Variants in HEATR5A observed in about 807,000 individuals in gnomAD.
The protein encoded by HEATR5A is HEAT repeat-containing protein 5A.
Under a neutral mutation model 218.8 loss-of-function variants are expected in HEATR5A, and 178 were observed. That is an observed-to-expected ratio of 0.81 (90% CI 0.72 to 0.92). The LOEUF (loss-of-function observed/expected upper bound fraction) is 0.92, where lower values mean the gene tolerates loss of function less well. Among genes scored for constraint, HEATR5A ranks in the 40% least tolerant of loss-of-function variants. The pLI is 0.00. For synonymous variants in HEATR5A, 864 were observed against 871.6 expected (o/e 0.99, Z 0.15); for missense variants, 2,420 against 2,418.9 (o/e 1.00, Z -0.01).
intron 1 of HEATR5A, among the ~76,000 whole-genome samples, chr14:31,409,685 C>A (rs1162631724): frequency 2.6e-5 from 4 of 152,114 alleles, no homozygotes; most frequent in Non-Finnish European, 5.9e-5. Context: ...CAGCAAGACC[C>A]TGTCTCAAAA....
intron 21 of HEATR5A, chr14:31,340,428 G>A (rs1900803442): frequency 7.8e-7 from 1 of 1,284,116 alleles, no homozygotes; most frequent in Non-Finnish European, 1.0e-6. Flanking sequence ...AAAAAGTTAG[G>A]AATCAAGGGT....
rs185340547 is a variant in HEATR5A, at chr14:31,327,125, C to A, written c.3368-783G>T. The stretch of plus-strand genomic sequence containing the variant: ...AAGTAGCTGGGACTACAGGTGCCTG[C>A]CACCATGTCTGGCTAATTTTTGTAT... On this transcript the variant is annotated intron_variant, in intron 22 of 35. Transcript: ENST00000543095. Among the ~76,000 whole-genome samples, 433 of 151,842 alleles carry A rather than the reference C, an allele frequency of 2.9e-3. 1 individual carries two copies. Among genetic ancestry groups the A allele is most frequent in the Non-Finnish European group, 4.3e-3 (290 of 67,972 alleles).
chr14:31,363,261 T>C (rs1406990722), intron 14 of HEATR5A, among the ~76,000 whole-genome samples: 1 of 151,924 alleles, frequency 6.6e-6, no homozygotes, highest in Non-Finnish European at 1.5e-5. Flanking sequence ...AAAAGTTTAT[T>C]TTAGTCTGAA....
chr14:31,386,025 C>T (rs982290397), intron 9 of HEATR5A, among the ~76,000 whole-genome samples: 2 of 152,138 alleles, frequency 1.3e-5, no homozygotes, highest in Non-Finnish European at 2.9e-5. Flanking sequence ...CTGTGCCTAG[C>T]CATGAATTAT....
chr14:31,304,509 C>T (rs1396565323), intron 32 of HEATR5A, among the ~76,000 whole-genome samples: 1 of 152,134 alleles, frequency 6.6e-6, no homozygotes, highest in African/African-American at 2.4e-5. Flanking sequence ...CCTCCGCCTC[C>T]CGGGTTCAAG....
intron 30 of HEATR5A, among the ~76,000 whole-genome samples, 178 bp downstream of exon 30, chr14:31,307,715 T>G (rs1312865513): frequency 6.6e-6 from 1 of 152,202 alleles, no homozygotes; most frequent in Admixed American, 6.5e-5. Flanking sequence ...GAGGCATGAT[T>G]GTTTTTGGGT....
intron 16 of HEATR5A, among the ~76,000 whole-genome samples, chr14:31,358,114 C>G (rs1200031602): frequency 1.3e-5 from 2 of 152,136 alleles, no homozygotes; most frequent in African/African-American, 4.8e-5. Context: ...ATAGTTTTAT[C>G]CCAAAACCTC....
intron 11 of HEATR5A, among the ~76,000 whole-genome samples, chr14:31,375,250 A>G (rs1456354122): frequency 2.0e-5 from 3 of 152,184 alleles, no homozygotes; most frequent in African/African-American, 4.8e-5. Flanking sequence ...TCGTCTACAT[A>G]TTAAATGAAG....
intron 13 of HEATR5A, among the ~76,000 whole-genome samples, chr14:31,369,919 G>C (rs1901968107): frequency 8.2e-6 from 1 of 122,210 alleles, no homozygotes; most frequent in Non-Finnish European, 1.7e-5. Context: ...GGGTGACAGT[G>C]TAAGACTCTA....
chr14:31,326,339 G>C lies in HEATR5A; in HGVS notation c.3371C>G (p.Ala1124Gly), dbSNP rs778914620. 3.1e-6 allele frequency: 5 copies of C among 1,605,400 alleles called. No homozygotes were observed. The highest frequency in any genetic ancestry group is 4.2e-6 in the Non-Finnish European group (5 of 1,176,604). ...CTCAAGGCCAACTTCTCTGATGTTA[G>C]CATCTGACAAGAAGAAAATCAATTA... The part of the protein sequence containing the change: ...KDSREELTPD[A>G]NIREVGLEGA... The change falls in exon 23 of 36, where the codon GCT becomes GGT. Residue 1124 changes from alanine to glycine, a missense_variant. By Grantham distance (60) the Ala-to-Gly change is moderately conservative (BLOSUM62 0). Transcript: ENST00000543095.
chr14:31,357,494 A>T (rs940374189), intron 16 of HEATR5A, among the ~76,000 whole-genome samples: 2 of 151,880 alleles, frequency 1.3e-5, no homozygotes, highest in Admixed American at 6.5e-5. Flanking sequence ...AACTATTATT[A>T]GCCACAATAG....
intron 23 of HEATR5A, 100 bp downstream of exon 23, chr14:31,326,063 G>T: frequency 1.2e-6 from 1 of 822,090 alleles, no homozygotes. Flanking sequence ...TCAGAATCCA[G>T]CTAGTTAGAC....
At chr14:31,374,716 C>T in intron 12 of HEATR5A, 100 bp downstream of exon 12, 1 of 1,094,834 alleles carries the variant, frequency 9.1e-7, no homozygotes, top group Non-Finnish European at 1.3e-6. Flanking sequence ...GTGGCATATC[C>T]CCCTGCCTCG....
intron 14 of HEATR5A, among the ~76,000 whole-genome samples, chr14:31,362,197 G>C (rs901316687): frequency 6.6e-6 from 1 of 152,000 alleles, no homozygotes; most frequent in Non-Finnish European, 1.5e-5. Context: ...TCGAATTCCT[G>C]ACCTCAAATG....
chr14:31,336,217 C>T (rs6571410), intron 22 of HEATR5A, among the ~76,000 whole-genome samples: 4,694 of 36,346 alleles, frequency 0.13, 384 homozygotes, highest in Non-Finnish European at 0.2. Context: ...TACATACATA[C>T]ATATATATAT....
chr14:31,317,261 T>C (rs779223276), intron 26 of HEATR5A, among the ~76,000 whole-genome samples: 79 of 151,310 alleles, frequency 5.2e-4, no homozygotes, highest in Non-Finnish European at 9.7e-4. Context: ...ATGCCAGTCC[T>C]GCTTTTAATT....
intron 31 of HEATR5A, among the ~76,000 whole-genome samples, chr14:31,306,036 G>A (rs902854855): frequency 1.8e-4 from 28 of 152,180 alleles, no homozygotes; most frequent in African/African-American, 4.8e-4. Flanking sequence ...TTCCATGCAC[G>A]TTGGTAAACA....
intron 21 of HEATR5A, chr14:31,340,494 A>G (rs1900805236): frequency 7.8e-7 from 1 of 1,286,458 alleles, no homozygotes; most frequent in East Asian, 5.6e-5. Flanking sequence ...AAAACAAATG[A>G]CACACCAGTC....
At chr14:31,410,322 A>G (rs1365084393) in intron 1 of HEATR5A, among the ~76,000 whole-genome samples, 1 of 152,204 alleles carries the variant, frequency 6.6e-6, no homozygotes, top group East Asian at 1.9e-4. Flanking sequence ...AACTGTCAAG[A>G]ACTCCCACAA....
Sources: gnomAD v4.1 joint callset for allele counts (sites outside exome capture counted in the v4.1 genomes callset) on GRCh38, gnomAD v4.1.1 for gene constraint, MANE v1.5 for transcripts, NCBI Gene and HGNC (gene_info 2026-07-23, HGNC 2026-07-21) for gene names.